GRK5: variants seen among roughly 807,000 people sequenced by gnomAD.
GRK5 encodes G protein-coupled receptor kinase 5.
GRK5 carries 40 observed loss-of-function variants against 78.4 expected under a neutral mutation model. The observed-to-expected ratio is 0.51, with a 90% CI of 0.40 to 0.66. The LOEUF is 0.66. Ranked by LOEUF, GRK5 falls within the 30% of genes least tolerant of loss-of-function variation. The pLI is 0.00. For missense variants in GRK5, 598 were observed against 759.9 expected (o/e 0.79, Z 2.50); for synonymous variants, 289 against 296.8 (o/e 0.97, Z 0.27).
chr10:119,318,102 C>A (rs955253346), intron 1 of GRK5, among the ~76,000 whole-genome samples: 3 of 152,074 alleles, frequency 2.0e-5, no homozygotes, highest in Non-Finnish European at 4.4e-5. Flanking sequence ...CTCCTTCCAA[C>A]AAATGCATGG....
At chr10:119,242,596 C>A (rs1324568210) in intron 1 of GRK5, among the ~76,000 whole-genome samples, 1 of 150,604 alleles carries the variant, frequency 6.6e-6, no homozygotes, top group Admixed American at 6.7e-5. Context: ...CCACCCAAAT[C>A]TCATCTTGAA....
chr10:119,240,345 C>T (rs1227835617), intron 1 of GRK5, among the ~76,000 whole-genome samples: 13 of 151,608 alleles, frequency 8.6e-5, no homozygotes, highest in Admixed American at 7.2e-4. Flanking sequence ...GGACTACAGG[C>T]GCCTGCTACC....
rs968445397 is a variant in GRK5, at chr10:119,430,311, C to T, written c.534-64C>T. 1.4e-6 allele frequency: 2 copies of T among 1,442,478 alleles called. No individual in the cohort carries two copies. The highest frequency in any genetic ancestry group is 3.4e-5 in the Admixed American group (2 of 59,256). 89.4% of individuals were successfully genotyped at this position (1,442,478 alleles called of 1,614,324 possible). On this transcript the variant is annotated intron_variant, in intron 6 of 15. Transcript: ENST00000392870. This position sits in a 1 kb window ranked among gnomAD's most constrained non-coding sequence, Gnocchi z 4.5. Reference sequence around the variant, plus strand: ...CACCCCAGCTGCTCTCAATGTGCCACTGTTTCCTGTGGATTCTGAGTCTTG... The same window carrying T: ...CACCCCAGCTGCTCTCAATGTGCCATTGTTTCCTGTGGATTCTGAGTCTTG...
intron 4 of GRK5, among the ~76,000 whole-genome samples, chr10:119,419,167 G>C (rs1322036145): frequency 6.6e-6 from 1 of 152,208 alleles, no homozygotes; most frequent in Non-Finnish European, 1.5e-5. Context: ...AAACTGCATG[G>C]AATTCTCCTG....
At chr10:119,360,601 CTG>C (rs1394007072) in intron 2 of GRK5, among the ~76,000 whole-genome samples, 6 of 152,016 alleles carry the variant, frequency 3.9e-5, no homozygotes, top group Admixed American at 3.3e-4. Context: ...TGGGAGGAGC[CTG>C]TGTGAGAGGC....
intron 1 of GRK5, among the ~76,000 whole-genome samples, chr10:119,287,177 A>G: frequency 8.7e-6 from 1 of 115,468 alleles, no homozygotes. Flanking sequence ...AGGGAGGGAG[A>G]GACAGGAGGA....
chr10:119,405,778 C>T (rs1852228946), intron 4 of GRK5, among the ~76,000 whole-genome samples: 1 of 152,174 alleles, frequency 6.6e-6, no homozygotes, highest in Non-Finnish European at 1.5e-5. Flanking sequence ...TGCTTGTGGC[C>T]ATCAGTCATT....
intron 1 of GRK5, among the ~76,000 whole-genome samples, chr10:119,232,583 A>G (rs1287278944): frequency 6.6e-6 from 1 of 152,154 alleles, no homozygotes; most frequent in African/African-American, 2.4e-5. Flanking sequence ...CATGGGGGGC[A>G]GGTCTTTTCC....
intron 9 of GRK5, among the ~76,000 whole-genome samples, chr10:119,437,970 C>T (rs550381538): frequency 2.0e-5 from 3 of 152,182 alleles, no homozygotes; most frequent in South Asian, 2.1e-4. Flanking sequence ...CGGTGGCACG[C>T]GCCTGTAGTC....
chr10:119,381,026 G>T, intron 3 of GRK5, 99 bp downstream of exon 3: 1 of 699,962 alleles, frequency 1.4e-6, no homozygotes, highest in South Asian at 1.9e-5. Flanking sequence ...AGAAGACTGA[G>T]GAATAAACTC....
chr10:119,440,244 G>A (rs573674566), intron 10 of GRK5, among the ~76,000 whole-genome samples: 1 of 152,228 alleles, frequency 6.6e-6, no homozygotes, highest in Non-Finnish European at 1.5e-5. Context: ...TGTCAGTCTA[G>A]CCAGCTGTAA....
intron 4 of GRK5, among the ~76,000 whole-genome samples, chr10:119,397,531 T>G (rs1281149493): frequency 6.6e-6 from 1 of 152,238 alleles, no homozygotes; most frequent in East Asian, 1.9e-4. Context: ...AGATGGGACC[T>G]GTGTGGGAAT....
intron 3 of GRK5, among the ~76,000 whole-genome samples, 163 bp from the exon 4 acceptor site, chr10:119,396,532 G>A (rs967872661): frequency 2.6e-5 from 4 of 152,206 alleles, no homozygotes; most frequent in South Asian, 2.1e-4. Context: ...ACTAAACATC[G>A]GGGCTCCGTG....
chr10:119,443,517 C>A (rs1853079676), intron 11 of GRK5, 27 bp from the exon 12 acceptor site: 18 of 1,578,586 alleles, frequency 1.1e-5, no homozygotes, highest in Non-Finnish European at 1.6e-5. Flanking sequence ...CTCCTCCTCA[C>A]TCCTCTCTCC....
chr10:119,266,601 G>A (rs1388334836), intron 1 of GRK5, among the ~76,000 whole-genome samples: 1 of 152,136 alleles, frequency 6.6e-6, no homozygotes, highest in African/African-American at 2.4e-5. Flanking sequence ...GAAGCCGGTG[G>A]GGCTGGCCAA....
chr10:119,251,010 C>G (rs1247104136), intron 1 of GRK5, among the ~76,000 whole-genome samples: 1 of 152,186 alleles, frequency 6.6e-6, no homozygotes, highest in Non-Finnish European at 1.5e-5. Flanking sequence ...GCTTCATTCA[C>G]CCAGAGACTC....
intron 4 of GRK5, 32 bp from the exon 5 acceptor site, chr10:119,423,134 A>G: frequency 6.7e-7 from 1 of 1,485,014 alleles, no homozygotes; most frequent in Non-Finnish European, 9.4e-7. Flanking sequence ...CTGGCTCCTC[A>G]CTGACCACCT....
chr10:119,218,515 G>C (rs1315532905), intron 1 of GRK5, among the ~76,000 whole-genome samples: 2 of 152,214 alleles, frequency 1.3e-5, no homozygotes, highest in African/African-American at 2.4e-5. Flanking sequence ...AGGAAGAACA[G>C]CTTTAAGTGG....
intron 1 of GRK5, among the ~76,000 whole-genome samples, chr10:119,281,563 A>T (rs1849762777): frequency 6.6e-6 from 1 of 152,124 alleles, no homozygotes; most frequent in Non-Finnish European, 1.5e-5. Flanking sequence ...ACTGTTCTGT[A>T]ATCAGCCTCT....
Sources: allele counts gnomAD v4.1 joint callset (sites outside exome capture counted in the v4.1 genomes callset), GRCh38; gene constraint gnomAD v4.1.1; non-coding constraint Gnocchi (gnomAD v3.1); transcripts MANE v1.5; gene names NCBI Gene and HGNC (gene_info 2026-07-23, HGNC 2026-07-21).